Variants in CCDC63 observed in about 807,000 individuals in gnomAD.
The protein encoded by CCDC63 is coiled-coil domain-containing protein 63.
A neutral mutation model predicts 63.6 loss-of-function variants in CCDC63; 54 were observed. The observed-to-expected ratio is 0.85, with a 90% confidence interval of 0.68 to 1.07. The LOEUF (loss-of-function observed/expected upper bound fraction) is 1.07. Ranked by LOEUF, CCDC63 falls within the 50% of genes least tolerant of loss-of-function variation. The pLI is 0.00. For missense variants in CCDC63, 637 were observed against 689.6 expected (o/e 0.92, Z 0.86); for synonymous variants, 253 against 266.1 (o/e 0.95, Z 0.48).
intron 11 of CCDC63, 133 bp downstream of exon 11, chr12:110,904,924 G>A: frequency 1.6e-6 from 1 of 610,898 alleles, no homozygotes; most frequent in South Asian, 2.8e-5. Context: ...GAGCTCTTGT[G>A]GCCTGCCAGT....
intron 1 of CCDC63, among the ~76,000 whole-genome samples, chr12:110,848,662 T>C (rs1422244748): frequency 6.6e-6 from 1 of 152,240 alleles, no homozygotes; most frequent in Non-Finnish European, 1.5e-5. Context: ...GCGTCTGTCA[T>C]GAGCTAGGCA....
chr12:110,907,457 G>A lies in CCDC63; in HGVS notation c.1673G>A (p.Arg558Lys). 1 of 1,614,188 alleles carries A rather than the reference G, an allele frequency of 6.2e-7. No individual in the cohort carries two copies. Among genetic ancestry groups the A allele is most frequent in the East Asian group, 2.2e-5 (1 of 44,890 alleles). Residue 558 changes from arginine (R) to lysine (K), a missense_variant, in exon 12 of 12, where the codon AGG becomes AAG. By Grantham distance (26) the Arg-to-Lys change is conservative. Transcript: ENST00000308208. This position sits in a 1 kb window ranked among gnomAD's most constrained non-coding sequence, Gnocchi z 4.4. Reference sequence around the variant, plus strand: ...GAGAAGGTGGATGACTTCAGATCCAGGAAGAAAGTAACCATGTGAGGTGCA... The same window carrying A: ...GAGAAGGTGGATGACTTCAGATCCAAGAAGAAAGTAACCATGTGAGGTGCA... ...LPEKVDDFRS[R>K]KKVTM is the part of the protein sequence containing the mutation.
intron 6 of CCDC63, among the ~76,000 whole-genome samples, chr12:110,880,674 TGGTGAC>T: frequency 4.9e-4 from 1 of 2,036 alleles, no homozygotes; most frequent in South Asian, 0.014. Flanking sequence ...GTGATGATGG[TGGTGAC>T]GATAATGATG....
At chr12:110,879,485 G>A (rs1260543442) in intron 5 of CCDC63, among the ~76,000 whole-genome samples, 2 of 152,178 alleles carry the variant, frequency 1.3e-5, no homozygotes, top group African/African-American at 4.8e-5. Flanking sequence ...GAGAAACCCT[G>A]CATGAAAACA....
At chr12:110,855,833 G>C (rs889672024) in intron 3 of CCDC63, among the ~76,000 whole-genome samples, 1 of 152,024 alleles carries the variant, frequency 6.6e-6, no homozygotes, top group African/African-American at 2.4e-5. Flanking sequence ...CACCCGCCTC[G>C]GCCTCCCAAA....
intron 4 of CCDC63, among the ~76,000 whole-genome samples, chr12:110,869,730 C>G (rs1226774060): frequency 6.6e-6 from 1 of 152,074 alleles, no homozygotes; most frequent in Non-Finnish European, 1.5e-5. Flanking sequence ...TAGAGAGACA[C>G]TAACATTTTT....
chr12:110,862,419 C>T (rs761540150), intron 4 of CCDC63, among the ~76,000 whole-genome samples: 6 of 152,340 alleles, frequency 3.9e-5, no homozygotes, highest in East Asian at 3.9e-4. Context: ...GTTAATAAGC[C>T]GATGGGAAGA....
rs778158444 is a variant in CCDC63 at position 110,858,761 on chromosome 12, G to A, written c.355G>A (p.Glu119Lys). 6.2e-7 allele frequency: 1 copy of A among 1,613,626 alleles called. No individual in the cohort carries two copies. Among genetic ancestry groups the A allele is most frequent in the Non-Finnish European group, 8.5e-7 (1 of 1,179,782 alleles). Residue 119 changes from glutamate (E) to lysine (K), a missense_variant, in exon 4 of 12, where the codon GAA becomes AAA. Coordinates refer to ENST00000308208, the MANE Select transcript of CCDC63 (RefSeq NM_152591.3). ...LIKSLKVLLAELDEKILQMEK... is the reference protein window; with the variant it reads ...LIKSLKVLLAKLDEKILQMEK... ...TAAATCCCTGAAAGTGCTGTTGGCTGAACTGGATGAGAAGGTGTGGTCTTT... is the reference window on the plus strand; with the variant it reads ...TAAATCCCTGAAAGTGCTGTTGGCTAAACTGGATGAGAAGGTGTGGTCTTT...
At chr12:110,885,783 G>T (rs2071271602) in intron 8 of CCDC63, among the ~76,000 whole-genome samples, 2 of 152,186 alleles carry the variant, frequency 1.3e-5, no homozygotes, top group South Asian at 4.1e-4. Flanking sequence ...ATATGTCACT[G>T]TTTCCCAAAT....
intron 3 of CCDC63, 23 bp from the exon 4 acceptor site, chr12:110,858,563 A>G (rs1198532515): frequency 4.4e-6 from 7 of 1,598,346 alleles, no homozygotes; most frequent in Non-Finnish European, 6.0e-6. Context: ...TTTGGGGTTA[A>G]TCATGGGCTG....
rs943267949 is a variant in CCDC63, at chr12:110,889,567, A to G, written c.1075-3509A>G. 6.6e-6 allele frequency among the ~76,000 whole-genome samples: 1 copy of G among 152,142 alleles called. No homozygotes were observed. Among genetic ancestry groups the G allele is most frequent in the African/African-American group, 2.4e-5 (1 of 41,442 alleles). ...CCCTGACGCAGCTTGCAAGCAGGCC[A>G]GGGTGTCTGGCGCACAGAGAGAGAC... On this transcript the variant is annotated intron_variant, in intron 8 of 11. Transcript: ENST00000308208. The surrounding 1 kb of genome is among the most constrained non-coding windows in gnomAD (Gnocchi z 4.1).
intron 8 of CCDC63, among the ~76,000 whole-genome samples, chr12:110,887,540 G>C (rs1028636964): frequency 1.3e-5 from 2 of 152,114 alleles, no homozygotes; most frequent in African/African-American, 4.8e-5. Context: ...ATGAAGGAGT[G>C]GCGGTGGGAT....
Position 110,904,610 on chromosome 12 carries a change from C to G in CCDC63, c.1365C>G (p.Asn455Lys). ...CAGCCATCATTGAAAAGAAGACCAA[C>G]GACCTGCTGCTGTTGGAGACCTACA... ...QYFAIIEKKT[N>K]DLLLLETYRR... Residue 455 changes from asparagine to lysine, a missense_variant, in exon 11 of 12, where the codon AAC (asparagine) becomes AAG (lysine). Asn to Lys is a moderately conservative substitution (Grantham distance 94). Coordinates refer to ENST00000308208, the MANE Select transcript of CCDC63 (RefSeq NM_152591.3). 2 of 1,614,066 alleles carry G rather than the reference C, an allele frequency of 1.2e-6. No individual in the cohort carries two copies.
rs896640724 is a variant in CCDC63 at position 110,904,437 on chromosome 12, C to T, written c.1343-151C>T. 3 of 652,810 alleles carry T rather than the reference C, an allele frequency of 4.6e-6. No homozygotes were observed. The African/African-American group carries it at 5.4e-5, about 12-fold the overall frequency. 40.4% of individuals were successfully genotyped at this position (652,810 alleles called of 1,614,324 possible). A position where few individuals can be genotyped will look rare whatever the true frequency, so the allele number is the denominator to read the frequency against. On this transcript the variant is annotated intron_variant, in intron 10 of 11. Coordinates refer to ENST00000308208, the MANE Select transcript of CCDC63 (RefSeq NM_152591.3). Reference sequence around the variant, plus strand: ...TCCTGTTGAGAATGCATAGTGACGCCCAGGAGAAAGCCTTTTCCTTGTCAG... The same window carrying T: ...TCCTGTTGAGAATGCATAGTGACGCTCAGGAGAAAGCCTTTTCCTTGTCAG...
chr12:110,867,936 G>A (rs1352197051), intron 4 of CCDC63, among the ~76,000 whole-genome samples: 3 of 149,622 alleles, frequency 2.0e-5, no homozygotes, highest in African/African-American at 4.9e-5. Flanking sequence ...CTTCTCAGAC[G>A]GGGCAGCTGC....
chr12:110,875,998 T>C (rs534080427), intron 5 of CCDC63, among the ~76,000 whole-genome samples: 7 of 151,852 alleles, frequency 4.6e-5, no homozygotes, highest in African/African-American at 1.4e-4. Flanking sequence ...CCCAGCTATT[T>C]TGGAGGCTGA....
chr12:110,850,274 C>G (rs1241096240), intron 1 of CCDC63, among the ~76,000 whole-genome samples: 5 of 152,218 alleles, frequency 3.3e-5, no homozygotes, highest in Non-Finnish European at 7.3e-5. Flanking sequence ...CCCCTCTGCT[C>G]ACATCCCATT....
At chr12:110,890,846 G>A (rs942726604) in intron 8 of CCDC63, among the ~76,000 whole-genome samples, 4 of 139,824 alleles carry the variant, frequency 2.9e-5, no homozygotes, top group African/African-American at 1.1e-4. Flanking sequence ...GCGGGATCTC[G>A]GCTCATTGCA....
intron 4 of CCDC63, among the ~76,000 whole-genome samples, chr12:110,867,613 C>T (rs2070984954): frequency 1.5e-5 from 2 of 135,652 alleles, no homozygotes; most frequent in African/African-American, 5.7e-5. Context: ...GGGCGGCTGG[C>T]CGGGCAGAGG....
Sources: allele counts gnomAD v4.1 joint callset (sites outside exome capture counted in the v4.1 genomes callset), GRCh38; gene constraint gnomAD v4.1.1; non-coding constraint Gnocchi (gnomAD v3.1); transcripts MANE v1.5; gene names NCBI Gene and HGNC (gene_info 2026-07-23, HGNC 2026-07-21).